Variants in WWOX observed in about 807,000 individuals in gnomAD.
The protein encoded by WWOX is WW domain-containing oxidoreductase.
WWOX carries 69 observed loss-of-function variants against 46.2 expected under a neutral mutation model. That is an observed-to-expected ratio of 1.49 (90% CI 1.23 to 1.82). The LOEUF (loss-of-function observed/expected upper bound fraction) is 1.82, where lower values mean the gene tolerates loss of function less well. Ranked by LOEUF, WWOX falls within the 40% of genes most tolerant of loss-of-function variation. The pLI is 0.00. For missense variants in WWOX, 919 were observed against 542.6 expected, an observed-to-expected ratio of 1.69 and a Z score of -6.89; for synonymous variants, 359 against 202.6, an observed-to-expected ratio of 1.77 and a Z score of -6.56.
chr16:78,104,766 A>C (rs557769794), intron 1 of WWOX, among the ~76,000 whole-genome samples: 2 of 152,114 alleles, frequency 1.3e-5, no homozygotes, highest in Non-Finnish European at 2.9e-5. Context: ...CTTTTAATTA[A>C]TTTTTATATT....
chr16:78,536,966 G>C (rs1457472906), intron 8 of WWOX, among the ~76,000 whole-genome samples: 1 of 148,656 alleles, frequency 6.7e-6, no homozygotes, highest in Non-Finnish European at 1.5e-5. Context: ...ACCCAGACTG[G>C]ATTGCAGTGG....
chr16:78,532,111 T>C (rs2043637902), intron 8 of WWOX, among the ~76,000 whole-genome samples: 1 of 151,800 alleles, frequency 6.6e-6, no homozygotes, highest in Non-Finnish European at 1.5e-5. Context: ...GTGGAAGAGC[T>C]GTCAGATTCT....
intron 8 of WWOX, among the ~76,000 whole-genome samples, chr16:78,770,201 G>T (rs1297393280): frequency 6.6e-6 from 1 of 151,886 alleles, no homozygotes; most frequent in Non-Finnish European, 1.5e-5. Context: ...AAATACAAAA[G>T]TGAGTCGGGG....
chr16:78,911,200 A>T (rs1267202372), intron 8 of WWOX, among the ~76,000 whole-genome samples: 1 of 151,870 alleles, frequency 6.6e-6, no homozygotes, highest in East Asian at 1.9e-4. Context: ...TCCAGTTATC[A>T]AAAAGGATCT....
chr16:78,951,657 G>C (rs1050497262), intron 8 of WWOX, among the ~76,000 whole-genome samples: 2 of 152,174 alleles, frequency 1.3e-5, no homozygotes, highest in Admixed American at 1.3e-4. Flanking sequence ...TCTTGTTTTA[G>C]GATCATTGCC....
intron 5 of WWOX, among the ~76,000 whole-genome samples, chr16:78,267,399 A>G (rs1193495392): frequency 1.3e-5 from 2 of 152,160 alleles, no homozygotes; most frequent in East Asian, 3.8e-4. Flanking sequence ...TTTTCGCTTC[A>G]TTTTCTGCAT....
chr16:78,724,711 C>G (rs1462798000), intron 8 of WWOX, among the ~76,000 whole-genome samples: 4 of 152,124 alleles, frequency 2.6e-5, no homozygotes, highest in Non-Finnish European at 5.9e-5. Context: ...GAAGCTCGCA[C>G]TCTGTAAGCT....
intron 8 of WWOX, among the ~76,000 whole-genome samples, chr16:79,008,178 C>T (rs1363993938): frequency 6.6e-6 from 1 of 152,108 alleles, no homozygotes; most frequent in East Asian, 1.9e-4. Flanking sequence ...CTGAGGGCCC[C>T]TTGCAGCCCC....
chr16:78,998,317 C>G (rs1009741022), intron 8 of WWOX, among the ~76,000 whole-genome samples: 11 of 152,202 alleles, frequency 7.2e-5, no homozygotes, highest in Non-Finnish European at 1.5e-4. Context: ...TCTCCCTTCT[C>G]CACTGGGCTC....
At chr16:78,413,363 G>C (rs913674741) in intron 6 of WWOX, among the ~76,000 whole-genome samples, 1 of 152,134 alleles carries the variant, frequency 6.6e-6, no homozygotes, top group African/African-American at 2.4e-5. Context: ...GGCTGAGTCT[G>C]AAAAAGGAGT....
At chr16:78,589,570 T>C (rs906261141) in intron 8 of WWOX, among the ~76,000 whole-genome samples, 2 of 152,062 alleles carry the variant, frequency 1.3e-5, no homozygotes, top group Non-Finnish European at 2.9e-5. Flanking sequence ...CCTAATGAAC[T>C]CCTTGCAAGG....
intron 8 of WWOX, among the ~76,000 whole-genome samples, chr16:79,159,045 G>C (rs537534712): frequency 6.6e-6 from 1 of 152,180 alleles, no homozygotes. Flanking sequence ...TGAAAATTAC[G>C]AAAGAAATAG....
At chr16:78,373,216 C>T (rs958058590) in intron 5 of WWOX, among the ~76,000 whole-genome samples, 4 of 152,126 alleles carry the variant, frequency 2.6e-5, no homozygotes, top group African/African-American at 9.7e-5. Context: ...CTAGATCTAC[C>T]TTATGAGTTA....
At chr16:78,626,940 C>A (rs1026187169) in intron 8 of WWOX, among the ~76,000 whole-genome samples, 1 of 152,020 alleles carries the variant, frequency 6.6e-6, no homozygotes, top group Non-Finnish European at 1.5e-5. Flanking sequence ...GCTGTTGGCT[C>A]CTGTGTTCTT....
chr16:79,126,801 T>C (rs1303085316), intron 8 of WWOX, among the ~76,000 whole-genome samples: 2 of 152,118 alleles, frequency 1.3e-5, no homozygotes, highest in African/African-American at 4.8e-5. Flanking sequence ...CCATGCAGAA[T>C]GACTGGATGT....
chr16:78,972,980 C>T (rs1046457896), intron 8 of WWOX, among the ~76,000 whole-genome samples: 2 of 152,162 alleles, frequency 1.3e-5, no homozygotes, highest in South Asian at 2.1e-4. Context: ...GTAATTGATT[C>T]ATAAGATCCC....
chr16:78,164,076 G>T (rs1037341180), intron 4 of WWOX, 107 bp from the exon 5 acceptor site: 2 of 1,024,588 alleles, frequency 2.0e-6, no homozygotes, highest in Admixed American at 4.0e-5. Flanking sequence ...AATCACCCCT[G>T]GTTGAGAACT....
At chr16:78,427,990 C>A (rs111290912) in intron 7 of WWOX, among the ~76,000 whole-genome samples, 2 of 152,028 alleles carry the variant, frequency 1.3e-5, no homozygotes, top group African/African-American at 4.8e-5. Context: ...ATTGCTTGAA[C>A]TTGGGAGGTG....
At chr16:78,540,584 T>G (rs1265829341) in intron 8 of WWOX, among the ~76,000 whole-genome samples, 1 of 152,210 alleles carries the variant, frequency 6.6e-6, no homozygotes, top group Admixed American at 6.5e-5. Flanking sequence ...GGTCTCTGAC[T>G]CTGAAATCTG....
Sources: gnomAD v4.1 joint callset for allele counts (sites outside exome capture counted in the v4.1 genomes callset) on GRCh38, gnomAD v4.1.1 for gene constraint, MANE v1.5 for transcripts, NCBI Gene and HGNC (gene_info 2026-07-23, HGNC 2026-07-21) for gene names.